The following CRADD variants were observed in gnomAD, a reference collection of about 807,000 sequenced individuals.
The protein encoded by CRADD is death domain-containing protein CRADD.
In CRADD, 9 loss-of-function variants were observed where a neutral mutation model predicts 15.5. The ratio of observed to expected loss-of-function variants is 0.58; its 90% CI spans 0.35 to 1.01. The LOEUF (loss-of-function observed/expected upper bound fraction) is 1.01. Ranked by LOEUF, CRADD falls within the 50% of genes least tolerant of loss-of-function variation. The pLI, the probability that CRADD is intolerant of heterozygous loss-of-function variation, is 0.02. For synonymous variants in CRADD, 118 were observed against 107.6 expected, an observed-to-expected ratio of 1.10 and a Z score of -0.60; for missense variants, 227 against 250.3, an observed-to-expected ratio of 0.91 and a Z score of 0.63.
At chr12:93,785,705 T>C (rs776236010) in intron 2 of CRADD, among the ~76,000 whole-genome samples, 3 of 152,202 alleles carry the variant, frequency 2.0e-5, no homozygotes, top group Non-Finnish European at 2.9e-5. Context: ...CAAAGGGAAT[T>C]GTGGAAGAAT....
chr12:93,701,341 G>A (rs557209569), intron 2 of CRADD, among the ~76,000 whole-genome samples: 125 of 139,938 alleles, frequency 8.9e-4, no homozygotes, highest in Admixed American at 1.7e-3. Flanking sequence ...CAATCTGTAA[G>A]TAGTCTCCAG....
At chr12:93,891,772 T>C (rs1958577458) in intron 2 of CRADD, among the ~76,000 whole-genome samples, 1 of 152,222 alleles carries the variant, frequency 6.6e-6, no homozygotes, top group Non-Finnish European at 1.5e-5. Flanking sequence ...GAGCTGAGAC[T>C]TGAATGCCGG....
chr12:93,724,698 A>G (rs934319960), intron 2 of CRADD, among the ~76,000 whole-genome samples: 2 of 152,310 alleles, frequency 1.3e-5, no homozygotes, highest in African/African-American at 4.8e-5. Context: ...CATAATGTAG[A>G]TAATTTGTAT....
At chr12:93,814,106 A>T (rs1048660990) in intron 2 of CRADD, among the ~76,000 whole-genome samples, 1 of 152,226 alleles carries the variant, frequency 6.6e-6, no homozygotes, top group Non-Finnish European at 1.5e-5. Flanking sequence ...TTCTGGGACA[A>T]TGCCAGCCAT....
At chr12:93,729,700 G>T (rs145772657) in intron 2 of CRADD, among the ~76,000 whole-genome samples, 1,765 of 151,376 alleles carry the variant, frequency 0.012, 33 homozygotes, top group East Asian at 0.092. Flanking sequence ...CAGGAGAATT[G>T]CTTGAACCTG....
intron 2 of CRADD, among the ~76,000 whole-genome samples, chr12:93,816,383 ATTTT>A (rs61294048): frequency 8.2e-6 from 1 of 122,114 alleles, no homozygotes; most frequent in Non-Finnish European, 1.6e-5. Context: ...TGCCTGGCTA[ATTTT>A]TTTTTTTTTT....
chr12:93,786,380 T>G (rs1957278099), intron 2 of CRADD, among the ~76,000 whole-genome samples: 1 of 152,232 alleles, frequency 6.6e-6, no homozygotes, highest in South Asian at 2.1e-4. Flanking sequence ...GAAATGAGAA[T>G]GATAATACCT....
intron 2 of CRADD, among the ~76,000 whole-genome samples, chr12:93,833,501 G>A (rs1957933734): frequency 2.6e-5 from 4 of 151,968 alleles, no homozygotes; most frequent in Admixed American, 2.6e-4. Context: ...ACCATGCCTG[G>A]CTAATTTTTT....
intron 2 of CRADD, among the ~76,000 whole-genome samples, chr12:93,776,321 T>A (rs978498363): frequency 2.0e-5 from 3 of 152,356 alleles, no homozygotes; most frequent in Non-Finnish European, 4.4e-5. Context: ...TGCAAACTTG[T>A]AAAGGGGTTA....
At chr12:93,732,286 TTCAGTG>T (rs67370733) in intron 2 of CRADD, among the ~76,000 whole-genome samples, 55,236 of 151,756 alleles carry the variant, frequency 0.36, 11,196 homozygotes, top group East Asian at 0.56. Context: ...AGTGTGCATT[TTCAGTG>T]TCTCTAAAGA....
At chr12:93,786,619 A>G (rs893029088) in intron 2 of CRADD, among the ~76,000 whole-genome samples, 2 of 152,206 alleles carry the variant, frequency 1.3e-5, no homozygotes, top group African/African-American at 4.8e-5. Flanking sequence ...TTTTAAAATA[A>G]AGATTTCTTT....
intron 2 of CRADD, among the ~76,000 whole-genome samples, chr12:93,864,031 A>G (rs1288907940): frequency 1.3e-5 from 2 of 152,142 alleles, no homozygotes; most frequent in African/African-American, 4.8e-5. Context: ...CACTGCAGCT[A>G]TGGCCACATG....
chr12:93,892,214 C>T (rs990727598), intron 2 of CRADD, among the ~76,000 whole-genome samples: 7 of 152,178 alleles, frequency 4.6e-5, no homozygotes, highest in African/African-American at 1.7e-4. Flanking sequence ...GTGTGCTGAT[C>T]GGCAGGTACA....
intron 2 of CRADD, among the ~76,000 whole-genome samples, chr12:93,700,556 G>A (rs1318656951): frequency 6.6e-6 from 1 of 151,922 alleles, no homozygotes; most frequent in Non-Finnish European, 1.5e-5. Flanking sequence ...TCAGCCTCCC[G>A]AGTAGCTGGA....
chr12:93,708,484 G>A (rs1195341600), intron 2 of CRADD: 5 of 152,158 alleles, frequency 3.3e-5, no homozygotes, highest in Non-Finnish European at 7.3e-5. Context: ...GGAAGTATAG[G>A]CATTTGAGGA....
chr12:93,821,681 G>A (rs759506403), intron 2 of CRADD, among the ~76,000 whole-genome samples: 2 of 152,196 alleles, frequency 1.3e-5, no homozygotes, highest in Admixed American at 6.5e-5. Flanking sequence ...AAGAAGAAAG[G>A]TAGAGAAACA....
intron 2 of CRADD, among the ~76,000 whole-genome samples, chr12:93,694,696 G>A (rs1023885422): frequency 6.6e-6 from 1 of 152,008 alleles, no homozygotes; most frequent in Non-Finnish European, 1.5e-5. Context: ...AAGAGATCAA[G>A]GAAACAATCC....
chr12:93,702,317 A>C (rs1236358245), intron 2 of CRADD, among the ~76,000 whole-genome samples: 1 of 152,024 alleles, frequency 6.6e-6, no homozygotes, highest in Non-Finnish European at 1.5e-5. Context: ...GGGTAGGTGC[A>C]TGAGCCCTGA....
chr12:93,716,045 T>A (rs1280065097), intron 2 of CRADD, among the ~76,000 whole-genome samples: 1 of 151,522 alleles, frequency 6.6e-6, no homozygotes, highest in Non-Finnish European at 1.5e-5. Context: ...GGCATGAGAA[T>A]CGCTTGAATC....
Sources: allele counts gnomAD v4.1 joint callset (sites outside exome capture counted in the v4.1 genomes callset), GRCh38; gene constraint gnomAD v4.1.1; transcripts MANE v1.5; gene names NCBI Gene and HGNC (gene_info 2026-07-23, HGNC 2026-07-21).